Variants in MEF2D observed in about 807,000 individuals in gnomAD.
MEF2D encodes the protein myocyte-specific enhancer factor 2D.
MEF2D carries 10 observed loss-of-function variants against 59.3 expected under a neutral mutation model. That is an observed-to-expected ratio of 0.17 (90% CI 0.10 to 0.29). The LOEUF (loss-of-function observed/expected upper bound fraction) is 0.29. MEF2D is among the 10% of genes least tolerant of loss of function. The pLI, the probability that MEF2D is intolerant of heterozygous loss-of-function variation, is 1.00. For missense variants in MEF2D, 508 were observed against 699.4 expected, an observed-to-expected ratio of 0.73 and a Z score of 3.09; for synonymous variants, 305 against 295.0, an observed-to-expected ratio of 1.03 and a Z score of -0.35.
At chr1:156,494,906 A>G (rs1413094537) in intron 1 of MEF2D, among the ~76,000 whole-genome samples, 1 of 152,112 alleles carries the variant, frequency 6.6e-6, no homozygotes, top group Non-Finnish European at 1.5e-5. Context: ...GTTCTAGCAC[A>G]TTCCTTCCAG....
At chr1:156,480,776 G>A (rs563151120) in intron 4 of MEF2D, 58 bp downstream of exon 4, 6 of 1,604,226 alleles carry the variant, frequency 3.7e-6, no homozygotes, top group East Asian at 4.5e-5. Context: ...CTTGTGCAGC[G>A]CCTGGGGGGA....
chr1:156,473,851 T>C (rs1487313972), intron 9 of MEF2D, among the ~76,000 whole-genome samples: 3 of 152,160 alleles, frequency 2.0e-5, no homozygotes, highest in Non-Finnish European at 2.9e-5. Context: ...ATGCCAAAAC[T>C]AGAGGAGAGA....
chr1:156,482,318 C>T, intron 3 of MEF2D, 119 bp downstream of exon 3: 2 of 1,051,908 alleles, frequency 1.9e-6, no homozygotes, highest in Non-Finnish European at 2.9e-6. Context: ...TGAGGGGCTA[C>T]AAGGGGCATG....
At chr1:156,492,298 T>C (rs1219709464) in intron 1 of MEF2D, among the ~76,000 whole-genome samples, 2 of 152,178 alleles carry the variant, frequency 1.3e-5, no homozygotes, top group South Asian at 2.1e-4. Context: ...AGGACAGATA[T>C]AAGACTACAG....
chr1:156,500,079 G>A (rs1348448290), intron 1 of MEF2D, among the ~76,000 whole-genome samples: 4 of 152,158 alleles, frequency 2.6e-5, no homozygotes, highest in African/African-American at 9.7e-5. Context: ...GGAGAGGGAG[G>A]GAGGGCCGGC....
intron 1 of MEF2D, among the ~76,000 whole-genome samples, chr1:156,493,056 T>C (rs1925951): frequency 0.94 from 142,737 of 152,256 alleles, 66,992 homozygotes; most frequent in East Asian, 1. Context: ...GGGCAGTGTT[T>C]GTCCCCTTTT....
At position 156,479,592 on chromosome 1, in the gene MEF2D, T is replaced by C; in HGVS notation, c.601A>G (p.Ser201Gly). ...VSPGLPQRPA[S>G]AGAMLGGDLN... ...CACCTGCCAGCCCACTCACCCGCAC[T>C]AGCTGGCCGCTGGGGCAGGCCAGGA... Residue 201 changes from serine (S) to glycine (G), a missense_variant, in exon 5 of 12, where the codon AGT becomes GGT. By Grantham distance (56) the Ser-to-Gly change is moderately conservative. Coordinates refer to ENST00000348159, the MANE Select transcript of MEF2D (RefSeq NM_005920.4). The C allele has an allele frequency of 1.3e-6, 2 of 1,550,670 alleles. No homozygotes were observed. Among genetic ancestry groups the C allele is most frequent in the Non-Finnish European group, 1.7e-6 (2 of 1,147,192 alleles).
chr1:156,468,995 G>C lies in MEF2D; in HGVS notation c.1032C>G (p.Leu344=). Residue 344 remains leucine (L), a synonymous_variant, in exon 10 of 12, where the codon CTC becomes CTG. Coordinates refer to ENST00000348159, the MANE Select transcript of MEF2D (RefSeq NM_005920.4). The surrounding 1 kb of genome is among the most constrained non-coding windows in gnomAD (Gnocchi z 4.3). ...NTDYQLTSAE[L]SSLPAFSSPG... ...GTGAACTAAAGGCTGGTAAGGAGGAGAGCTCTGCACTGGTCAACTGGTAAT... is the reference window on the plus strand; with the variant it reads ...GTGAACTAAAGGCTGGTAAGGAGGACAGCTCTGCACTGGTCAACTGGTAAT... 6.2e-7 allele frequency: 1 copy of C among 1,611,922 alleles called. No individual in the cohort carries two copies. Among genetic ancestry groups the C allele is most frequent in the Non-Finnish European group, 8.5e-7 (1 of 1,178,260 alleles).
At chr1:156,471,891 G>A (rs766458303) in intron 9 of MEF2D, among the ~76,000 whole-genome samples, 1 of 152,218 alleles carries the variant, frequency 6.6e-6, no homozygotes, top group Non-Finnish European at 1.5e-5. Flanking sequence ...GGGAGCCTGT[G>A]GTCTCTGAGA....
Position 156,482,425 on chromosome 1 carries a change from G to A in MEF2D, c.258+12C>T. 6.2e-7 allele frequency: 1 copy of A among 1,613,486 alleles called. No homozygotes were observed. The highest frequency in any genetic ancestry group is 8.5e-7 in the Non-Finnish European group (1 of 1,180,010). On this transcript the variant is annotated intron_variant, in intron 3 of 11. Coordinates refer to ENST00000348159, the MANE Select transcript of MEF2D (RefSeq NM_005920.4). ...CGGGGGTATATCCTGGTGCCTGTGT[G>A]TATGGGCCCACCTCGATGATGTCGG...
chr1:156,471,194 G>A (rs933376165), intron 9 of MEF2D, among the ~76,000 whole-genome samples: 1 of 152,116 alleles, frequency 6.6e-6, no homozygotes. Flanking sequence ...TAGCTGGCGT[G>A]ATCTCGGCTC....
intron 3 of MEF2D, 47 bp from the exon 4 acceptor site, chr1:156,481,018 C>A: frequency 6.2e-7 from 1 of 1,608,462 alleles, no homozygotes; most frequent in Non-Finnish European, 8.5e-7. Context: ...CCTTCCCGCC[C>A]GCCTCGCTGG....
intron 9 of MEF2D, among the ~76,000 whole-genome samples, chr1:156,473,310 T>C (rs1276958649): frequency 1.3e-5 from 2 of 152,136 alleles, no homozygotes; most frequent in Admixed American, 1.3e-4. Context: ...CCACCACGCC[T>C]GGCCTGGGTT....
intron 7 of MEF2D, 124 bp downstream of exon 7, chr1:156,476,888 A>G: frequency 8.5e-7 from 1 of 1,176,264 alleles, no homozygotes; most frequent in Non-Finnish European, 1.2e-6. Flanking sequence ...CATGGTTCCA[A>G]GATTTATCTT....
At chr1:156,487,350 A>G (rs1672440629) in intron 1 of MEF2D, among the ~76,000 whole-genome samples, 1 of 152,184 alleles carries the variant, frequency 6.6e-6, no homozygotes, top group African/African-American at 2.4e-5. Flanking sequence ...CACTTTTTAT[A>G]ATTCCATGCT....
intron 1 of MEF2D, among the ~76,000 whole-genome samples, chr1:156,496,927 AT>A (rs1426883813): frequency 6.6e-6 from 1 of 152,230 alleles, no homozygotes. Flanking sequence ...GAAAAAGAAG[AT>A]AAATATTCCG....
intron 1 of MEF2D, among the ~76,000 whole-genome samples, chr1:156,488,618 G>A (rs1248166911): frequency 5.9e-5 from 9 of 152,204 alleles, no homozygotes; most frequent in East Asian, 1.9e-4. Context: ...AAAATGTACC[G>A]TAAAGGAGGA....
chr1:156,480,781 G>C (rs773264207), intron 4 of MEF2D, 53 bp downstream of exon 4: 6 of 1,604,028 alleles, frequency 3.7e-6, no homozygotes, highest in East Asian at 4.5e-5. Flanking sequence ...GCAGCGCCTG[G>C]GGGGAAGGGG....
At position 156,468,144 on chromosome 1, in the gene MEF2D, T is replaced by C. The variant is rs1670984305; in HGVS notation, c.1403A>G (p.Asp468Gly). 2 of 1,613,696 alleles carry C rather than the reference T, an allele frequency of 1.2e-6. No individual in the cohort carries two copies. Among genetic ancestry groups the C allele is most frequent in the African/African-American group, 2.7e-5 (2 of 74,882 alleles). Residue 468 changes from aspartate (D) to glycine (G), a missense_variant, in exon 11 of 12, where the codon GAT becomes GGT. Asp to Gly is a moderately conservative substitution (Grantham distance 94). Transcript: ENST00000348159. The surrounding 1 kb of genome is among the most constrained non-coding windows in gnomAD (Gnocchi z 4.3). ...VFPAARPEPG[D>G]GLSSPAGGSY... ...TCCCCCGGCTGGGCTGCTGAGACCA[T>C]CGCCAGGCTCAGGGCGGGCAGCTGG...
Sources: allele counts gnomAD v4.1 joint callset (sites outside exome capture counted in the v4.1 genomes callset), GRCh38; gene constraint gnomAD v4.1.1; non-coding constraint Gnocchi (gnomAD v3.1); transcripts MANE v1.5; gene names NCBI Gene and HGNC (gene_info 2026-07-23, HGNC 2026-07-21).